Variants in ZNF800 observed in about 807,000 individuals in gnomAD.
The protein encoded by ZNF800 is zinc finger protein 800.
In ZNF800, 13 loss-of-function variants were observed where a neutral mutation model predicts 59.5. That is an observed-to-expected ratio of 0.22 (90% CI 0.14 to 0.35). ZNF800 has a LOEUF of 0.35. Ranked by LOEUF, ZNF800 falls within the 10% of genes least tolerant of loss-of-function variation. The pLI is 1.00. For missense variants in ZNF800, 621 were observed against 783.7 expected, an observed-to-expected ratio of 0.79 and a Z score of 2.48; for synonymous variants, 266 against 265.7, an observed-to-expected ratio of 1.00 and a Z score of -0.01.
chr7:127,367,904 G>A (rs1800547101), downstream of ZNF800, among the ~76,000 whole-genome samples: 1 of 151,968 alleles, frequency 6.6e-6, no homozygotes, highest in African/African-American at 2.4e-5. Context: ...TCCAACTTTG[G>A]GCATTTTCTC....
downstream of ZNF800, among the ~76,000 whole-genome samples, chr7:127,343,689 C>A (rs573645707): frequency 2.0e-5 from 3 of 151,912 alleles, no homozygotes; most frequent in Admixed American, 6.5e-5. Flanking sequence ...AAAACTACAA[C>A]CCAATCTTAT....
downstream of ZNF800, among the ~76,000 whole-genome samples, chr7:127,345,628 A>G (rs12706780): frequency 0.13 from 19,722 of 152,156 alleles, 1,628 homozygotes; most frequent in Middle Eastern, 0.2. Flanking sequence ...GGCAATAAAG[A>G]GAGGAGCATA....
At chr7:127,369,875 A>G (rs954265752), downstream of ZNF800, among the ~76,000 whole-genome samples, 5 of 152,030 alleles carry the variant, frequency 3.3e-5, no homozygotes, top group African/African-American at 1.2e-4. Context: ...AGTATTTAAC[A>G]AGCAAGCAGA....
intron 3 of ZNF800, among the ~76,000 whole-genome samples, chr7:127,385,329 G>A (rs1249112054): frequency 6.6e-6 from 1 of 152,098 alleles, no homozygotes; most frequent in Non-Finnish European, 1.5e-5. Flanking sequence ...AATACACAAG[G>A]GGTGGACAAG....
chr7:127,359,809 T>G (rs1335037166), intron 1 of ZNF800: 4 of 152,034 alleles, frequency 2.6e-5, no homozygotes, highest in Non-Finnish European at 4.4e-5. Context: ...TACTGAAACT[T>G]TAATGGAAGA....
intron 1 of ZNF800, chr7:127,349,998 C>G (rs1800141174): frequency 6.6e-6 from 1 of 152,184 alleles, no homozygotes; most frequent in African/African-American, 2.4e-5. Flanking sequence ...TTGAGAAGCT[C>G]TAGCTAGAAA....
chr7:127,372,339 G>T (rs193185664), intron 5 of ZNF800, among the ~76,000 whole-genome samples: 2 of 152,088 alleles, frequency 1.3e-5, no homozygotes, highest in African/African-American at 2.4e-5. Context: ...AATTAGCCGG[G>T]TGTGGTGGCT....
rs1238492690 is a variant in ZNF800, at chr7:127,392,330, G to C, written c.-329C>G. The stretch of plus-strand genomic sequence containing the variant: ...TCCTCCGCGCTGTGTGGCTAGGCGG[G>C]AGGCGCGCGGGCGGAGGCAGTTGAC... On this transcript the variant is annotated 5_prime_UTR_variant, in exon 1 of 6. Transcript: ENST00000265827. The C allele has an allele frequency of 5.2e-6, 2 of 381,498 alleles. No individual in the cohort carries two copies. The highest frequency in any genetic ancestry group is 9.3e-6 in the Non-Finnish European group (2 of 215,244). 23.6% of individuals were successfully genotyped at this position (381,498 alleles called of 1,614,324 possible).
chr7:127,373,868 G>C lies in ZNF800; in HGVS notation c.1468C>G (p.Leu490Val). The C allele has an allele frequency of 6.2e-7, 1 of 1,614,168 alleles. No homozygotes were observed. Among genetic ancestry groups the C allele is most frequent in the Non-Finnish European group, 8.5e-7 (1 of 1,180,020 alleles). Reference protein sequence around the residue: ...GFDFKQLYCKLCKRQFTSKQN... With the variant: ...GFDFKQLYCKVCKRQFTSKQN... ...TTGGAAGTAAACTGACGTTTACAAA[G>C]TTTACAGTAAAGTTGCTTAAAGTCA... The change falls in exon 5 of 6, where the codon CTT (leucine) becomes GTT (valine). Residue 490 changes from leucine to valine, a missense_variant. Leu to Val is a conservative substitution (Grantham distance 32, BLOSUM62 1). Around this residue, in one of 7 missense-constraint regions of ZNF800, gnomAD observed 46 missense variants for 118.4 expected, o/e 0.39. Transcript: ENST00000265827.
intron 3 of ZNF800, among the ~76,000 whole-genome samples, chr7:127,379,870 CAGAGAGAGAG>C (rs71179575): frequency 1.2e-5 from 1 of 83,848 alleles, no homozygotes; most frequent in African/African-American, 6.0e-5. Flanking sequence ...CACACACACA[CAGAGAGAGAG>C]AGAGAGAGAG....
Position 127,354,566 on chromosome 7 carries a change from A to G in ZNF800, n.225-6523T>C, listed in dbSNP as rs1800232133. Among the ~76,000 whole-genome samples the G allele has an allele frequency of 1.3e-5, 2 of 152,244 alleles. 1 individual carries two copies. Among genetic ancestry groups the G allele is most frequent in the African/African-American group, 4.8e-5 (2 of 41,572 alleles). On this transcript the variant is annotated intron_variant and non_coding_transcript_variant, in intron 1 of 1. Transcript: ENST00000485577. ...TATACATCTCCTTGATTGCACATAC[A>G]TGAAATAGCTCTTGAAAGTCCAAGA...
chr7:127,371,712 T>C lies in ZNF800; in HGVS notation c.*102A>G. 5 of 615,692 alleles carry C rather than the reference T, an allele frequency of 8.1e-6. No homozygotes were observed. In the Middle Eastern group the frequency reaches 1.4e-3, roughly 177 times the overall value. The allele number at this position is 615,692 out of a possible 1,614,324, so 38.1% of individuals were successfully genotyped here. A position where few individuals can be genotyped will look rare whatever the true frequency, so the allele number is the denominator to read the frequency against. Reference sequence around the variant, plus strand: ...TATTTAGAAAAATGTTTTTCTTTTTTTCCTCATAGTACCATTTGAAGATGT... The same window carrying C: ...TATTTAGAAAAATGTTTTTCTTTTTCTCCTCATAGTACCATTTGAAGATGT... On this transcript the variant is annotated 3_prime_UTR_variant, in exon 6 of 6. Coordinates refer to ENST00000265827, the MANE Select transcript of ZNF800 (RefSeq NM_176814.5).
At chr7:127,372,634 A>G (rs1336433281) in intron 5 of ZNF800, 19 of 985,014 alleles carry the variant, frequency 1.9e-5, no homozygotes, top group East Asian at 1.1e-4. Flanking sequence ...GAGGGGAAGC[A>G]TTTGGGACCT....
intron 4 of ZNF800, among the ~76,000 whole-genome samples, chr7:127,376,122 T>A (rs1204147633): frequency 6.6e-6 from 1 of 151,914 alleles, no homozygotes; most frequent in African/African-American, 2.4e-5. Context: ...AATTTATATC[T>A]CAATGAGAGA....
intron 1 of ZNF800, chr7:127,360,727 A>G (rs1241967730): frequency 1.3e-5 from 2 of 152,162 alleles, no homozygotes; most frequent in East Asian, 1.9e-4. Flanking sequence ...AAGTTAAAAT[A>G]AAGAGTCAAA....
At chr7:127,378,225 A>C (rs1031015475) in intron 3 of ZNF800, among the ~76,000 whole-genome samples, 5 of 152,076 alleles carry the variant, frequency 3.3e-5, no homozygotes, top group Non-Finnish European at 7.4e-5. Flanking sequence ...ACTATGAAAG[A>C]ATATCTTTAG....
chr7:127,388,138 G>C (rs887669215), intron 2 of ZNF800, among the ~76,000 whole-genome samples: 1 of 151,876 alleles, frequency 6.6e-6, no homozygotes. Context: ...AAATTATAGG[G>C]TTGTATAGGG....
chr7:127,378,099 ACACTCCAAAGC>A (rs1418049309), intron 3 of ZNF800, among the ~76,000 whole-genome samples: 1 of 152,090 alleles, frequency 6.6e-6, no homozygotes, highest in Non-Finnish European at 1.5e-5. Flanking sequence ...ACTAGATTAT[ACACTCCAAAGC>A]AGCCAAGAAT....
rs1279441153 is a variant in ZNF800, at chr7:127,392,088, G to GCGGA, written c.-91_-88dup. On this transcript the variant is annotated 5_prime_UTR_variant, in exon 1 of 6. Coordinates refer to ENST00000265827, the MANE Select transcript of ZNF800 (RefSeq NM_176814.5). ...ACTCTTAGGGCGGGCCGGCGGGCGG[G>GCGGA]CGGAAGGAAGGAAGGCAGGCCGGGC... The GCGGA allele has an allele frequency of 1.3e-5, 5 of 392,376 alleles. No homozygotes were observed. Among genetic ancestry groups the GCGGA allele is most frequent in the Non-Finnish European group, 2.2e-5 (5 of 222,264 alleles). The allele number at this position is 392,376 out of a possible 1,614,324, so 24.3% of individuals were successfully genotyped here. A position where few individuals can be genotyped will look rare whatever the true frequency, so the allele number is the denominator to read the frequency against.
Sources: allele counts gnomAD v4.1 joint callset (sites outside exome capture counted in the v4.1 genomes callset), GRCh38; gene constraint gnomAD v4.1.1; regional missense constraint gnomAD v4.1.1; transcripts MANE v1.5; gene names NCBI Gene and HGNC (gene_info 2026-07-23, HGNC 2026-07-21).